Variants in GAREM1 observed in about 807,000 individuals in gnomAD.
GAREM1 encodes the protein GRB2-associated and regulator of MAPK protein 1.
A neutral mutation model predicts 71.3 loss-of-function variants in GAREM1; 26 were observed. The observed-to-expected ratio is 0.36, with a 90% confidence interval of 0.27 to 0.51. The LOEUF (loss-of-function observed/expected upper bound fraction) is 0.51, where lower values mean the gene tolerates loss of function less well. GAREM1 is among the 20% of genes least tolerant of loss of function. The pLI, the probability that GAREM1 is intolerant of heterozygous loss-of-function variation, is 0.95. For missense variants in GAREM1, 1,026 were observed against 1,103.1 expected (o/e 0.93, Z 0.99); for synonymous variants, 440 against 433.2 (o/e 1.02, Z -0.20).
At chr18:32,355,617 A>G (rs1381616631) in intron 2 of GAREM1, among the ~76,000 whole-genome samples, 1 of 152,226 alleles carries the variant, frequency 6.6e-6, no homozygotes, top group Non-Finnish European at 1.5e-5. Flanking sequence ...ACAATTAAAA[A>G]TTACCAATTT....
chr18:32,340,347 G>A lies in GAREM1; in HGVS notation c.263-30024C>T, dbSNP rs145295082. ...TAGAGAAAAAGTGCTGTGAGATTATGGGAATCAGACTTTGTCTAAGAGACC... is the reference window on the plus strand; with the variant it reads ...TAGAGAAAAAGTGCTGTGAGATTATAGGAATCAGACTTTGTCTAAGAGACC... On this transcript the variant is annotated intron_variant, in intron 2 of 5. Coordinates refer to ENST00000269209, the MANE Select transcript of GAREM1 (RefSeq NM_001242409.2). Among the ~76,000 whole-genome samples the A allele has an allele frequency of 2.1e-3, 319 of 152,306 alleles. 2 individuals carry two copies. Among genetic ancestry groups the A allele is most frequent in the African/African-American group, 7.3e-3 (305 of 41,556 alleles).
At chr18:32,282,029 C>T (rs2046957484) in intron 4 of GAREM1, among the ~76,000 whole-genome samples, 1 of 152,144 alleles carries the variant, frequency 6.6e-6, no homozygotes, top group Admixed American at 6.5e-5. Context: ...TTGCGACCCC[C>T]ACTCCTGCCC....
At chr18:32,344,186 C>T (rs912981490) in intron 2 of GAREM1, among the ~76,000 whole-genome samples, 1 of 152,176 alleles carries the variant, frequency 6.6e-6, no homozygotes, top group Non-Finnish European at 1.5e-5. Flanking sequence ...CAGTCCCCAA[C>T]TGTAGGCTGT....
At chr18:32,437,241 G>C (rs750425601) in intron 1 of GAREM1, among the ~76,000 whole-genome samples, 3 of 152,122 alleles carry the variant, frequency 2.0e-5, no homozygotes, top group Non-Finnish European at 4.4e-5. Flanking sequence ...CAATGACCTC[G>C]AGAGGACTAC....
At chr18:32,314,191 A>G (rs2047353683) in intron 2 of GAREM1, among the ~76,000 whole-genome samples, 1 of 152,028 alleles carries the variant, frequency 6.6e-6, no homozygotes, top group African/African-American at 2.4e-5. Flanking sequence ...TACCTGGTCC[A>G]TGCACAAATT....
chr18:32,386,261 A>G (rs1385820896), intron 2 of GAREM1, among the ~76,000 whole-genome samples: 1 of 152,214 alleles, frequency 6.6e-6, no homozygotes, highest in Non-Finnish European at 1.5e-5. Flanking sequence ...TTGTTTCAAC[A>G]TTTCCTTTTG....
chr18:32,399,903 C>T (rs113310424), intron 1 of GAREM1, among the ~76,000 whole-genome samples: 11,552 of 152,146 alleles, frequency 0.076, 451 homozygotes, highest in African/African-American at 0.097. Context: ...GGAGGCATCA[C>T]GCTACCTGAC....
intron 1 of GAREM1, among the ~76,000 whole-genome samples, chr18:32,437,406 T>C (rs1329543509): frequency 2.0e-5 from 3 of 151,314 alleles, no homozygotes; most frequent in Non-Finnish European, 4.4e-5. Flanking sequence ...GTGAGAAATG[T>C]TGTAAAAACT....
chr18:32,292,598 G>C (rs891433529), intron 3 of GAREM1, among the ~76,000 whole-genome samples: 3 of 152,082 alleles, frequency 2.0e-5, no homozygotes, highest in African/African-American at 7.2e-5. Context: ...AGCTGTTCTC[G>C]TGATAGTGAG....
At chr18:32,315,124 G>C (rs2047363395) in intron 2 of GAREM1, among the ~76,000 whole-genome samples, 1 of 152,014 alleles carries the variant, frequency 6.6e-6, no homozygotes. Context: ...TGAGGTAAGA[G>C]GTTACCTGAA....
intron 2 of GAREM1, among the ~76,000 whole-genome samples, chr18:32,359,524 C>A (rs1235307017): frequency 6.6e-6 from 1 of 152,194 alleles, no homozygotes; most frequent in Non-Finnish European, 1.5e-5. Flanking sequence ...CCCCCACTCC[C>A]CAGCCTGGGG....
chr18:32,331,768 G>GAAACTGGGA (rs1322687335), intron 2 of GAREM1: 1 of 152,120 alleles, frequency 6.6e-6, no homozygotes, highest in African/African-American at 2.4e-5. Flanking sequence ...GAACAGAGAA[G>GAAACTGGGA]AAACTGGGAT....
rs141769948 is a variant in GAREM1 at position 32,278,365 on chromosome 18, T to C, written c.1567-7982A>G. On this transcript the variant is annotated intron_variant, in intron 4 of 5. Transcript: ENST00000269209. ...TATACCTCCTGTCTCAAAGTTCATA[T>C]TGTTTGGAATTGTGGACAATCAATA... is the stretch of plus-strand genomic sequence containing the variant. Among the ~76,000 whole-genome samples the C allele has an allele frequency of 1.8e-3, 279 of 152,282 alleles. 2 individuals carry two copies. In the Middle Eastern group the frequency reaches 0.02, roughly 11 times the overall value.
intron 4 of GAREM1, among the ~76,000 whole-genome samples, chr18:32,284,334 A>G (rs939228916): frequency 2.0e-5 from 3 of 152,218 alleles, no homozygotes; most frequent in Non-Finnish European, 4.4e-5. Flanking sequence ...CTCTTATGTC[A>G]TAAGAAGTTA....
Position 32,470,223 on chromosome 18 carries a change from TC to T in GAREM1, c.121+84del, listed in dbSNP as rs2049037909. 8.4e-6 allele frequency: 11 copies of T among 1,315,258 alleles called. No homozygotes were observed. The South Asian group carries it at 1.8e-4, about 21-fold the overall frequency. The allele number at this position is 1,315,258 out of a possible 1,614,324, so 81.5% of individuals were successfully genotyped here. On this transcript the variant is annotated intron_variant, in intron 1 of 5. Coordinates refer to ENST00000269209, the MANE Select transcript of GAREM1 (RefSeq NM_001242409.2). The surrounding 1 kb of genome is among the most constrained non-coding windows in gnomAD (Gnocchi z 4.4). ...GGGCGGGCAGCCCACTCCCCGCGGG[TC>T]CCACCCTCTCCAGCACACGCGCGCA... is the stretch of plus-strand genomic sequence containing the variant.
intron 1 of GAREM1, among the ~76,000 whole-genome samples, chr18:32,410,638 T>C (rs753895957): frequency 6.6e-6 from 1 of 152,158 alleles, no homozygotes; most frequent in Non-Finnish European, 1.5e-5. Flanking sequence ...TAATTAACTA[T>C]ATGATTATGG....
intron 1 of GAREM1, among the ~76,000 whole-genome samples, chr18:32,456,907 TAAGC>T (rs1003137143): frequency 2.6e-5 from 4 of 152,142 alleles, no homozygotes; most frequent in Admixed American, 6.6e-5. Flanking sequence ...ATAAGTGATA[TAAGC>T]AAGAGGCTGA....
At chr18:32,290,333 A>G (rs1181687087) in intron 3 of GAREM1, 2 of 152,202 alleles carry the variant, frequency 1.3e-5, no homozygotes, top group Admixed American at 1.3e-4. Flanking sequence ...AGAAAACAAG[A>G]GAAATAAAGT....
chr18:32,302,071 T>C (rs958286977), intron 3 of GAREM1, among the ~76,000 whole-genome samples: 1 of 152,226 alleles, frequency 6.6e-6, no homozygotes, highest in African/African-American at 2.4e-5. Flanking sequence ...TACAAGCTAT[T>C]GTGTCAAAGT....
Sources: allele counts gnomAD v4.1 joint callset (sites outside exome capture counted in the v4.1 genomes callset), GRCh38; gene constraint gnomAD v4.1.1; non-coding constraint Gnocchi (gnomAD v3.1); transcripts MANE v1.5; gene names NCBI Gene and HGNC (gene_info 2026-07-23, HGNC 2026-07-21).